SLC43A1: variants seen among roughly 807,000 people sequenced by gnomAD.
SLC43A1 encodes the protein solute carrier family 43 member 1, also known as large neutral amino acids transporter small subunit 3.
In SLC43A1, 31 loss-of-function variants were observed where a neutral mutation model predicts 59.5. That is an observed-to-expected ratio of 0.52 (90% CI 0.39 to 0.70). The LOEUF (loss-of-function observed/expected upper bound fraction) is 0.70, where lower values mean the gene tolerates loss of function less well. SLC43A1 is among the 30% of genes least tolerant of loss of function. SLC43A1 has a pLI of 0.00. For synonymous variants in SLC43A1, 259 were observed against 290.9 expected (o/e 0.89, Z 1.12); for missense variants, 598 against 717.8 (o/e 0.83, Z 1.91).
In SLC43A1 at chr11:57,493,981, C is replaced by A; in HGVS notation, c.871+12G>T. ...CTATCCCCCAAGGCCGGCACCTTGA[C>A]CAGACACTCACTCTCAGGAAGGTTT... On this transcript the variant is annotated intron_variant, in intron 8 of 14. Coordinates refer to ENST00000278426, the MANE Select transcript of SLC43A1 (RefSeq NM_003627.6). 6.3e-7 allele frequency: 1 copy of A among 1,575,566 alleles called. No homozygotes were observed. Among genetic ancestry groups the A allele is most frequent in the Non-Finnish European group, 8.6e-7 (1 of 1,162,420 alleles).
At chr11:57,513,617 C>A (rs1459852369) in intron 2 of SLC43A1, among the ~76,000 whole-genome samples, 1 of 152,212 alleles carries the variant, frequency 6.6e-6, no homozygotes, top group African/African-American at 2.4e-5. Context: ...GTGCAGCTCT[C>A]CCTTGTCTTA....
chr11:57,509,269 A>C (rs1944466112), intron 2 of SLC43A1, among the ~76,000 whole-genome samples: 1 of 152,022 alleles, frequency 6.6e-6, no homozygotes, highest in South Asian at 2.1e-4. Flanking sequence ...CAAGGATCTA[A>C]CTATAAGAGC....
intron 13 of SLC43A1, 62 bp downstream of exon 13, chr11:57,488,853 TC>T: frequency 7.0e-7 from 1 of 1,430,390 alleles, no homozygotes; most frequent in Non-Finnish European, 9.9e-7. Flanking sequence ...TCCCAACCCT[TC>T]CCTGGGGTTC....
chr11:57,487,305 C>G (rs1943768295), intron 13 of SLC43A1, 87 bp from the exon 14 acceptor site: 1 of 1,513,592 alleles, frequency 6.6e-7, no homozygotes, highest in South Asian at 1.2e-5. Context: ...ACCATGGTCC[C>G]CGCTGGCCAG....
chr11:57,496,771 G>A (rs1944102736), intron 6 of SLC43A1, among the ~76,000 whole-genome samples: 1 of 152,228 alleles, frequency 6.6e-6, no homozygotes, highest in Non-Finnish European at 1.5e-5. Flanking sequence ...GAGATTCTGT[G>A]CAAATGTGTC....
At chr11:57,500,687 C>T in intron 5 of SLC43A1, 92 bp downstream of exon 5, 1 of 1,110,600 alleles carries the variant, frequency 9.0e-7, no homozygotes, top group Non-Finnish European at 1.4e-6. Flanking sequence ...CAGGCCCCTC[C>T]CCCAGCCCAT....
Position 57,500,979 on chromosome 11 carries a change from A to G in SLC43A1, c.388+9T>C, listed in dbSNP as rs1590766566. 1 of 1,598,346 alleles carries G rather than the reference A, an allele frequency of 6.3e-7. No homozygotes were observed. The highest frequency in any genetic ancestry group is 8.5e-7 in the Non-Finnish European group (1 of 1,172,142). ...TTCTTGTGGGGCCACAAGAGGACAG[A>G]CAACTCACCTTCCACGTCCCGGGAG... On this transcript the variant is annotated intron_variant, in intron 4 of 14. Transcript: ENST00000278426.
chr11:57,501,112 G>T (rs747731103), intron 3 of SLC43A1, 40 bp downstream of exon 3: 21 of 1,595,638 alleles, frequency 1.3e-5, no homozygotes, highest in Middle Eastern at 1.7e-4. Flanking sequence ...CCTGCAGCAC[G>T]GTCCCTGTCC....
intron 2 of SLC43A1, among the ~76,000 whole-genome samples, chr11:57,508,501 G>A (rs1421820186): frequency 6.6e-6 from 1 of 152,210 alleles, no homozygotes; most frequent in Admixed American, 6.5e-5. Context: ...GACTGAGGCA[G>A]ATCAGGCAAC....
chr11:57,492,735 C>CAAAAA (rs56237225), intron 8 of SLC43A1, among the ~76,000 whole-genome samples: 2 of 83,506 alleles, frequency 2.4e-5, no homozygotes, highest in Non-Finnish European at 4.3e-5. Flanking sequence ...CTCTATTTTA[C>CAAAAA]AAAAAAAAAA....
At chr11:57,492,874 T>C (rs1943977551) in intron 8 of SLC43A1, among the ~76,000 whole-genome samples, 1 of 151,064 alleles carries the variant, frequency 6.6e-6, no homozygotes, top group Non-Finnish European at 1.5e-5. Context: ...ACCCCGTCTC[T>C]ACTAAAGATA....
At position 57,514,234 on chromosome 11, in the gene SLC43A1, A is replaced by G. The variant is rs1417652677; in HGVS notation, c.-13-110T>C. 7.7e-7 allele frequency: 1 copy of G among 1,301,296 alleles called. No individual in the cohort carries two copies. The highest frequency in any genetic ancestry group is 2.5e-5 in the East Asian group (1 of 39,584). 80.6% of individuals were successfully genotyped at this position (1,301,296 alleles called of 1,614,324 possible). A position where few individuals can be genotyped will look rare whatever the true frequency, so the allele number is the denominator to read the frequency against. ...CGGGCCAGCCCGCGAGGAGCCCCTC[A>G]TGGAGGCCCCATAGAGCCCTGGGCT... On this transcript the variant is annotated intron_variant, in intron 1 of 14. Transcript: ENST00000278426. This position sits in a 1 kb window ranked among gnomAD's most constrained non-coding sequence, Gnocchi z 5.5.
At chr11:57,507,634 C>T (rs1457916547) in intron 2 of SLC43A1, among the ~76,000 whole-genome samples, 2 of 152,008 alleles carry the variant, frequency 1.3e-5, no homozygotes, top group South Asian at 4.1e-4. Context: ...GAGAACAAGA[C>T]CCTATTTCTA....
At chr11:57,505,112 C>T (rs991588909) in intron 2 of SLC43A1, among the ~76,000 whole-genome samples, 3 of 152,180 alleles carry the variant, frequency 2.0e-5, no homozygotes, top group Non-Finnish European at 2.9e-5. Context: ...AGCAGTGTTT[C>T]CCAATATGTG....
Position 57,496,178 on chromosome 11 carries a change from G to T in SLC43A1, c.559-14C>A. On this transcript the variant is annotated splice_polypyrimidine_tract_variant and intron_variant, in intron 6 of 14. Transcript: ENST00000278426. ...ATCGTAGATCAGCTGTGAGAGGAGGGGGCAGGCCCGTGGGGGAGACTGCCT... is the reference window on the plus strand; with the variant it reads ...ATCGTAGATCAGCTGTGAGAGGAGGTGGCAGGCCCGTGGGGGAGACTGCCT... The T allele has an allele frequency of 6.2e-7, 1 of 1,613,410 alleles. No individual in the cohort carries two copies.
At chr11:57,491,109 C>A in intron 11 of SLC43A1, 115 bp downstream of exon 11, 1 of 1,306,144 alleles carries the variant, frequency 7.7e-7, no homozygotes. Flanking sequence ...GGAGGTACCC[C>A]TGATCTCCTA....
At chr11:57,501,780 G>T (rs555144132) in intron 2 of SLC43A1, among the ~76,000 whole-genome samples, 1 of 152,132 alleles carries the variant, frequency 6.6e-6, no homozygotes, top group Non-Finnish European at 1.5e-5. Flanking sequence ...CAGGCAGATC[G>T]CTTAAGCCTA....
chr11:57,513,943 C>CCCCCCCATTA lies in SLC43A1; in HGVS notation c.154+14_154+15insTAATGGGGGG. 2 of 1,454,690 alleles carry CCCCCCCATTA rather than the reference C, an allele frequency of 1.4e-6. No homozygotes were observed. Among genetic ancestry groups the CCCCCCCATTA allele is most frequent in the Non-Finnish European group, 9.5e-7 (1 of 1,051,336 alleles). The allele number at this position is 1,454,690 out of a possible 1,614,324, so 90.1% of individuals were successfully genotyped here. ...ATCCCTCCCCCCAGCCCACCCAGCC[C>CCCCCCCATTA]ATTTTCAGGCATACCTGGGCACGTG... is the stretch of plus-strand genomic sequence containing the variant. On this transcript the variant is annotated intron_variant, in intron 2 of 14. Transcript: ENST00000278426.
chr11:57,505,231 G>A (rs1003964223), intron 2 of SLC43A1, among the ~76,000 whole-genome samples: 1 of 152,170 alleles, frequency 6.6e-6, no homozygotes, highest in African/African-American at 2.4e-5. Context: ...ACATACATTG[G>A]CCAGCCGCAG....
Sources: gnomAD v4.1 joint callset for allele counts (sites outside exome capture counted in the v4.1 genomes callset) on GRCh38, gnomAD v4.1.1 for gene constraint, Gnocchi (gnomAD v3.1) non-coding constraint, MANE v1.5 for transcripts, NCBI Gene and HGNC (gene_info 2026-07-23, HGNC 2026-07-21) for gene names.